Variants in RASSF5 observed in about 807,000 individuals in gnomAD.
RASSF5 encodes ras association domain-containing protein 5.
A neutral mutation model predicts 40.5 loss-of-function variants in RASSF5; 25 were observed. The ratio of observed to expected loss-of-function variants is 0.62; its 90% CI spans 0.45 to 0.86. The LOEUF (loss-of-function observed/expected upper bound fraction) is 0.86, where lower values mean the gene tolerates loss of function less well. Ranked by LOEUF, RASSF5 falls within the 40% of genes least tolerant of loss-of-function variation. RASSF5 has a pLI of 0.00. For missense variants in RASSF5, 521 were observed against 572.8 expected, an observed-to-expected ratio of 0.91 and a Z score of 0.92; for synonymous variants, 246 against 252.4, an observed-to-expected ratio of 0.97 and a Z score of 0.24.
At chr1:206,510,628 T>C (rs995853213) in intron 1 of RASSF5, among the ~76,000 whole-genome samples, 1 of 152,106 alleles carries the variant, frequency 6.6e-6, no homozygotes, top group East Asian at 1.9e-4. Context: ...CTGAGCTAAG[T>C]GGGGAAGTGA....
At chr1:206,553,209 A>G (rs1395855484) in intron 2 of RASSF5, among the ~76,000 whole-genome samples, 1 of 152,194 alleles carries the variant, frequency 6.6e-6, no homozygotes, top group Admixed American at 6.5e-5. Flanking sequence ...CAAAAAAAAC[A>G]AAAAACAAGA....
At chr1:206,545,027 T>A (rs1667645078) in intron 2 of RASSF5, 1 of 151,616 alleles carries the variant, frequency 6.6e-6, no homozygotes, top group South Asian at 2.1e-4. Context: ...GTGCTGGGGG[T>A]GGGGGGATGT....
At chr1:206,537,549 A>G (rs781786062) in intron 1 of RASSF5, among the ~76,000 whole-genome samples, 1 of 152,084 alleles carries the variant, frequency 6.6e-6, no homozygotes, top group Non-Finnish European at 1.5e-5. Flanking sequence ...TTGAGACCGG[A>G]AGTGTTTCTG....
At chr1:206,546,087 C>CTTTTTTT (rs1667678821) in intron 2 of RASSF5, among the ~76,000 whole-genome samples, 1 of 26,450 alleles carries the variant, frequency 3.8e-5, no homozygotes, top group Non-Finnish European at 7.7e-5. Context: ...TCTTCTTTTT[C>CTTTTTTT]TATTTTTTTT....
rs578136480 is a variant in RASSF5 at position 206,513,725 on chromosome 1, T to C, written c.457+5666T>C. 2.0e-5 allele frequency among the ~76,000 whole-genome samples: 3 copies of C among 152,300 alleles called. No individual in the cohort carries two copies. The highest frequency in any genetic ancestry group is 7.2e-5 in the African/African-American group (3 of 41,556). Reference sequence around the variant, plus strand: ...TTTTCCAAGACTTTTGGCAAGCCTTTCTCCACATGTTCCGGGCTGGATCTC... The same window carrying C: ...TTTTCCAAGACTTTTGGCAAGCCTTCCTCCACATGTTCCGGGCTGGATCTC... On this transcript the variant is annotated intron_variant, in intron 1 of 5. Transcript: ENST00000579436. The surrounding 1 kb of genome is among the most constrained non-coding windows in gnomAD (Gnocchi z 5.0).
At chr1:206,528,264 A>G (rs1204848658) in intron 1 of RASSF5, among the ~76,000 whole-genome samples, 3 of 152,198 alleles carry the variant, frequency 2.0e-5, no homozygotes, top group Non-Finnish European at 4.4e-5. Context: ...ACAGGGAGAT[A>G]ATACTAAGTG....
chr1:206,555,364 C>T (rs1667950550), intron 2 of RASSF5, among the ~76,000 whole-genome samples: 1 of 142,864 alleles, frequency 7.0e-6, no homozygotes, highest in Non-Finnish European at 1.6e-5. Context: ...GAATCTGGGG[C>T]CTGTTTTTTT....
At chr1:206,581,983 G>A (rs1668905257) in intron 2 of RASSF5, among the ~76,000 whole-genome samples, 1 of 152,182 alleles carries the variant, frequency 6.6e-6, no homozygotes, top group Non-Finnish European at 1.5e-5. Context: ...GTCAGATGGT[G>A]TCAGAGTCAT....
At chr1:206,553,213 A>G (rs1165444548) in intron 2 of RASSF5, among the ~76,000 whole-genome samples, 1 of 152,162 alleles carries the variant, frequency 6.6e-6, no homozygotes, top group Non-Finnish European at 1.5e-5. Flanking sequence ...AAAAACAAAA[A>G]ACAAGAAAAG....
chr1:206,519,439 T>G (rs1666846796), intron 1 of RASSF5, among the ~76,000 whole-genome samples: 1 of 152,200 alleles, frequency 6.6e-6, no homozygotes, highest in African/African-American at 2.4e-5. Context: ...ATTTATTCCC[T>G]CCAGATCCTG....
At chr1:206,539,596 T>G (rs782364553) in intron 2 of RASSF5, among the ~76,000 whole-genome samples, 2 of 152,240 alleles carry the variant, frequency 1.3e-5, no homozygotes, top group Non-Finnish European at 2.9e-5. Flanking sequence ...AATGTATATT[T>G]TAAAACTCTG....
At chr1:206,555,366 TG>T (rs34681745) in intron 2 of RASSF5, among the ~76,000 whole-genome samples, 31,537 of 151,576 alleles carry the variant, frequency 0.21, 3,422 homozygotes, top group Middle Eastern at 0.38. Context: ...ATCTGGGGCC[TG>T]TTTTTTTTTT....
chr1:206,508,169 G>C, intron 1 of RASSF5, 110 bp downstream of exon 1: 1 of 835,454 alleles, frequency 1.2e-6, no homozygotes, highest in Non-Finnish European at 1.7e-6. Context: ...TTTGGCTCCA[G>C]GGGAGCCCCG....
intron 1 of RASSF5, among the ~76,000 whole-genome samples, chr1:206,536,241 G>A (rs1275279903): frequency 1.3e-5 from 2 of 152,214 alleles, no homozygotes; most frequent in African/African-American, 4.8e-5. Context: ...ATGCCCCAGG[G>A]AATTGACTTC....
intron 1 of RASSF5, among the ~76,000 whole-genome samples, chr1:206,524,935 G>T (rs56074809): frequency 6.6e-6 from 1 of 151,752 alleles, no homozygotes; most frequent in East Asian, 1.9e-4. Context: ...CACCCCCAAA[G>T]AACAAAGTTG....
At chr1:206,533,849 C>T (rs1428049743) in intron 1 of RASSF5, among the ~76,000 whole-genome samples, 1 of 152,126 alleles carries the variant, frequency 6.6e-6, no homozygotes, top group Admixed American at 6.5e-5. Flanking sequence ...GATGAGGTCG[C>T]ACTGGAGTAG....
chr1:206,516,793 GT>G (rs1248395678), intron 1 of RASSF5, among the ~76,000 whole-genome samples: 1 of 152,188 alleles, frequency 6.6e-6, no homozygotes, highest in Non-Finnish European at 1.5e-5. Flanking sequence ...GCAGCCCTGT[GT>G]TCTCTTCTTT....
In RASSF5 at chr1:206,589,023, T is replaced by C. The variant is rs188566971; in HGVS notation, c.*2045T>C. On this transcript the variant is annotated 3_prime_UTR_variant, in exon 6 of 6. Transcript: ENST00000579436. ...TAAAGAGATAAGGGTGTTTATGAAA[T>C]GAGAAAATTATTGGACAATTCAGAC... 5.2e-5 allele frequency: 8 copies of C among 152,776 alleles called. No homozygotes were observed. Among genetic ancestry groups the C allele is most frequent in the African/African-American group, 1.9e-4 (8 of 41,522 alleles). 9.5% of individuals were successfully genotyped at this position (152,776 alleles called of 1,614,324 possible). A position where few individuals can be genotyped will look rare whatever the true frequency, so the allele number is the denominator to read the frequency against.
chr1:206,523,324 A>G (rs1666956121), intron 1 of RASSF5, among the ~76,000 whole-genome samples: 1 of 134,034 alleles, frequency 7.5e-6, no homozygotes, highest in Non-Finnish European at 1.5e-5. Context: ...CCATATATAC[A>G]TATAAAATAT....
Sources: gnomAD v4.1 joint callset for allele counts (sites outside exome capture counted in the v4.1 genomes callset) on GRCh38, gnomAD v4.1.1 for gene constraint, Gnocchi (gnomAD v3.1) non-coding constraint, MANE v1.5 for transcripts, NCBI Gene and HGNC (gene_info 2026-07-23, HGNC 2026-07-21) for gene names.